ZBTB20: variants seen among roughly 807,000 people sequenced by gnomAD.
The protein encoded by ZBTB20 is zinc finger and BTB domain containing 20.
Under a neutral mutation model 56.9 loss-of-function variants are expected in ZBTB20, and 9 were observed. The observed-to-expected ratio is 0.16, with a 90% CI of 0.10 to 0.28. The LOEUF (loss-of-function observed/expected upper bound fraction) is 0.28. ZBTB20 is among the 10% of genes least tolerant of loss of function. ZBTB20 has a pLI of 1.00. For synonymous variants in ZBTB20, 417 were observed against 420.7 expected, an observed-to-expected ratio of 0.99 and a Z score of 0.11; for missense variants, 655 against 1,003.0, an observed-to-expected ratio of 0.65 and a Z score of 4.69.
intron 5 of ZBTB20, chr3:114,759,318 G>C (rs2068268709): frequency 6.6e-6 from 1 of 152,120 alleles, no homozygotes; most frequent in South Asian, 2.1e-4. Flanking sequence ...GGGATGGGGA[G>C]GGGTGTGGGG....
chr3:114,852,645 ATTC>A (rs919728543), intron 4 of ZBTB20, among the ~76,000 whole-genome samples: 2 of 152,074 alleles, frequency 1.3e-5, no homozygotes, highest in Non-Finnish European at 2.9e-5. Context: ...TTCTTGTATA[ATTC>A]TTCTTGTGGT....
intron 5 of ZBTB20, among the ~76,000 whole-genome samples, chr3:114,710,578 C>T (rs75051465): frequency 6.6e-6 from 1 of 152,294 alleles, no homozygotes; most frequent in East Asian, 1.9e-4. Flanking sequence ...AAATTCATCA[C>T]ACCTGATGTC....
At position 114,748,337 on chromosome 3, in the gene ZBTB20, C is replaced by CT. The variant is rs1491544607; in HGVS notation, c.-343+52763dup. On this transcript the variant is annotated intron_variant, in intron 5 of 11. Coordinates refer to ENST00000675478, the MANE Select transcript of ZBTB20 (RefSeq NM_001348800.3). Reference sequence around the variant, plus strand: ...TTCTTTCTTTCTTTCTTTCTTTCTTCTTTCTTTCTTTCTTTTCTCTCTCTC... The same window carrying CT: ...TTCTTTCTTTCTTTCTTTCTTTCTTCTTTTCTTTCTTTCTTTTCTCTCTCTC... Among the ~76,000 whole-genome samples the CT allele has an allele frequency of 3.5e-3, 127 of 36,006 alleles. 2 individuals are homozygous for CT. The highest frequency in any genetic ancestry group is 8.8e-3 in the African/African-American group (120 of 13,698). The allele number at this position is 36,006 out of a possible 152,430, so 23.6% of individuals were successfully genotyped here.
At chr3:114,798,589 C>T (rs1337786783) in intron 5 of ZBTB20, among the ~76,000 whole-genome samples, 3 of 151,902 alleles carry the variant, frequency 2.0e-5, no homozygotes, top group East Asian at 1.9e-4. Context: ...GGATGATCTG[C>T]GATGGTGGTC....
At position 114,338,253 on chromosome 3, in the gene ZBTB20, A is replaced by G. The variant is rs1280549462; in HGVS notation, c.*752T>C. On this transcript the variant is annotated 3_prime_UTR_variant, in exon 12 of 12. Coordinates refer to ENST00000675478, the MANE Select transcript of ZBTB20 (RefSeq NM_001348800.3). ...GTGGCTCAGCGAAGACACTGAATAA[A>G]TACGATAGCCACTGTTGCTTGTTGC... is the stretch of plus-strand genomic sequence containing the variant. 1 of 152,164 alleles carries G rather than the reference A, an allele frequency of 6.6e-6. No homozygotes were observed. The highest frequency in any genetic ancestry group is 2.4e-5 in the African/African-American group (1 of 41,430). 9.4% of individuals were successfully genotyped at this position (152,164 alleles called of 1,614,324 possible). A position where few individuals can be genotyped will look rare whatever the true frequency, so the allele number is the denominator to read the frequency against.
chr3:114,443,580 T>A (rs115859456), intron 7 of ZBTB20, among the ~76,000 whole-genome samples: 2,282 of 152,314 alleles, frequency 0.015, 28 homozygotes, highest in Non-Finnish European at 0.025. Context: ...TATAAAAAGA[T>A]TCAATATATT....
At chr3:115,090,732 T>A (rs193082191) in intron 1 of ZBTB20, among the ~76,000 whole-genome samples, 1 of 151,926 alleles carries the variant, frequency 6.6e-6, no homozygotes, top group Non-Finnish European at 1.5e-5. Flanking sequence ...TCATATATAT[T>A]AACTTAATTA....
intron 1 of ZBTB20, among the ~76,000 whole-genome samples, chr3:115,126,421 ACCATTCACAG>A (rs2084334232): frequency 6.6e-6 from 1 of 152,196 alleles, no homozygotes; most frequent in African/African-American, 2.4e-5. Flanking sequence ...TTATTCTAGC[ACCATTCACAG>A]CCACAATAAA....
intron 6 of ZBTB20, among the ~76,000 whole-genome samples, chr3:114,569,244 A>C (rs2053145298): frequency 6.6e-6 from 1 of 152,254 alleles, no homozygotes; most frequent in South Asian, 2.1e-4. Flanking sequence ...TTCTAATCAG[A>C]AGCATTGATG....
At chr3:115,116,200 C>T (rs962726659) in intron 1 of ZBTB20, among the ~76,000 whole-genome samples, 14 of 152,052 alleles carry the variant, frequency 9.2e-5, no homozygotes, top group African/African-American at 3.4e-4. Flanking sequence ...ACAAACTCCA[C>T]TCTCTCCCAT....
intron 1 of ZBTB20, among the ~76,000 whole-genome samples, chr3:115,093,802 T>G (rs1331170420): frequency 6.6e-6 from 1 of 152,140 alleles, no homozygotes. Flanking sequence ...ATGTGAGATG[T>G]TTTGACTTTT....
At chr3:114,813,393 C>A (rs1035544038) in intron 4 of ZBTB20, among the ~76,000 whole-genome samples, 5 of 152,136 alleles carry the variant, frequency 3.3e-5, no homozygotes, top group Admixed American at 6.6e-5. Flanking sequence ...TTAGGCTTTG[C>A]AATTTCTATA....
intron 8 of ZBTB20, chr3:114,383,701 C>T (rs1560174157): frequency 6.6e-6 from 1 of 152,196 alleles, no homozygotes; most frequent in Admixed American, 6.5e-5. Flanking sequence ...CCTGTCTCAC[C>T]CTCTCTAATG....
At chr3:114,900,005 C>T (rs1216446513) in intron 4 of ZBTB20, among the ~76,000 whole-genome samples, 1 of 152,146 alleles carries the variant, frequency 6.6e-6, no homozygotes, top group Non-Finnish European at 1.5e-5. Context: ...TCTGACCCCA[C>T]ATCACCGTTC....
chr3:114,591,311 T>C (rs539771857), intron 6 of ZBTB20, among the ~76,000 whole-genome samples: 51 of 152,332 alleles, frequency 3.3e-4, no homozygotes, highest in Non-Finnish European at 5.9e-4. Flanking sequence ...TCCACTATTA[T>C]AGCTATTTTA....
chr3:114,819,764 G>A (rs1192840551), intron 4 of ZBTB20, among the ~76,000 whole-genome samples: 8 of 151,638 alleles, frequency 5.3e-5, no homozygotes, highest in Non-Finnish European at 7.4e-5. Context: ...AATGAACATA[G>A]TCACAGAGAA....
At chr3:114,857,457 T>C (rs2075303542) in intron 4 of ZBTB20, among the ~76,000 whole-genome samples, 1 of 152,184 alleles carries the variant, frequency 6.6e-6, no homozygotes. Context: ...AGGTGAACTG[T>C]AGGGAAGTAC....
At chr3:114,916,673 T>C (rs148166075) in intron 3 of ZBTB20, among the ~76,000 whole-genome samples, 55 of 152,252 alleles carry the variant, frequency 3.6e-4, no homozygotes, top group African/African-American at 1.3e-3. Flanking sequence ...TATACTATTA[T>C]AGGGTAAGAG....
intron 7 of ZBTB20, among the ~76,000 whole-genome samples, chr3:114,440,978 C>T (rs141387612): frequency 7.2e-5 from 11 of 152,270 alleles, no homozygotes; most frequent in Non-Finnish European, 1.0e-4. Flanking sequence ...ATATCAGTTA[C>T]GGTGACATAT....
Sources: gnomAD v4.1 joint callset for allele counts (sites outside exome capture counted in the v4.1 genomes callset) on GRCh38, gnomAD v4.1.1 for gene constraint, MANE v1.5 for transcripts, NCBI Gene and HGNC (gene_info 2026-07-23, HGNC 2026-07-21) for gene names.